The following RTN4 variants were observed in gnomAD, a reference collection of about 807,000 sequenced individuals.
RTN4 encodes reticulon 4.
Under a neutral mutation model 90.4 loss-of-function variants are expected in RTN4, and 32 were observed. The observed-to-expected ratio is 0.35, with a 90% confidence interval of 0.27 to 0.48. The LOEUF is 0.48. Among genes scored for constraint, RTN4 ranks in the 20% least tolerant of loss-of-function variants. The probability of loss-of-function intolerance (pLI) is 0.99; values close to 1 mark genes in which losing one functional copy is unlikely to be tolerated. For missense variants in RTN4, 1,706 were observed against 1,430.2 expected, an observed-to-expected ratio of 1.19 and a Z score of -3.11; for synonymous variants, 629 against 552.5, an observed-to-expected ratio of 1.14 and a Z score of -1.94.
chr2:55,047,080 A>T (rs1267962165), intron 1 of RTN4, among the ~76,000 whole-genome samples: 1 of 152,176 alleles, frequency 6.6e-6, no homozygotes, highest in Non-Finnish European at 1.5e-5. Context: ...TAATCCCAAC[A>T]CTTTGGGAGG....
chr2:55,111,825 C>T (rs992702193), intron 1 of RTN4, among the ~76,000 whole-genome samples: 3 of 152,176 alleles, frequency 2.0e-5, no homozygotes, highest in African/African-American at 7.2e-5. Context: ...AAATCTACCT[C>T]ACCCCATGTC....
rs146977729 is a variant in RTN4 at position 55,026,670 on chromosome 2, T to C, written c.1429A>G (p.Thr477Ala). The stretch of plus-strand genomic sequence containing the variant: ...TCTCCTAACAAAGGAAAAATGTTTG[T>C]TGCAATGCTCTCAGTTGCTGCTGGG... ...FNPAATESIA[T>A]NIFPLLGDPT... The change falls in exon 3 of 9, where the codon ACA (threonine) becomes GCA (alanine). Residue 477 changes from threonine (T) to alanine (A), a missense_variant. By Grantham distance (58) the Thr-to-Ala change is moderately conservative. Coordinates refer to ENST00000337526, the MANE Select transcript of RTN4 (RefSeq NM_020532.5). The C allele has an allele frequency of 2.0e-5, 33 of 1,613,748 alleles. No individual in the cohort carries two copies. The African/African-American group carries it at 3.6e-4, about 18-fold the overall frequency.
intron 1 of RTN4, among the ~76,000 whole-genome samples, chr2:55,102,359 G>A (rs1667867071): frequency 1.3e-5 from 2 of 152,098 alleles, no homozygotes; most frequent in African/African-American, 4.8e-5. Context: ...TAGGATTTGT[G>A]GACCATGGAC....
chr2:55,100,262 G>C (rs1260658942), intron 1 of RTN4, among the ~76,000 whole-genome samples: 2 of 151,996 alleles, frequency 1.3e-5, no homozygotes, highest in Admixed American at 1.3e-4. Flanking sequence ...TTTGCACTGG[G>C]GGCTTGGACA....
At chr2:54,993,066 T>C (rs1421407582) in intron 3 of RTN4, among the ~76,000 whole-genome samples, 9 of 104,324 alleles carry the variant, frequency 8.6e-5, no homozygotes, top group African/African-American at 3.8e-4. Flanking sequence ...AGAGCGAGAC[T>C]CCATCTCGGA....
At position 55,025,253 on chromosome 2, in the gene RTN4, A is replaced by C. The variant is rs199869997; in HGVS notation, c.2846T>G (p.Leu949Arg). The change falls in exon 3 of 9, where the codon CTC becomes CGC. Residue 949 changes from leucine to arginine, a missense_variant. Leu to Arg is a moderately radical substitution (Grantham distance 102). Coordinates refer to ENST00000337526, the MANE Select transcript of RTN4 (RefSeq NM_020532.5). ...SKNGSATSKV[L>R]LLPPDVSALA... ...AGCAGAAACATCTGGAGGCAATAAG[A>C]GCACCTTTGATGTAGCAGACCCATT... 1.1e-5 allele frequency: 18 copies of C among 1,613,920 alleles called. No individual in the cohort carries two copies. The highest frequency in any genetic ancestry group is 1.5e-5 in the Non-Finnish European group (18 of 1,179,868).
At chr2:55,089,263 C>G (rs146954275) in intron 1 of RTN4, among the ~76,000 whole-genome samples, 82 of 152,250 alleles carry the variant, frequency 5.4e-4, no homozygotes, top group Middle Eastern at 3.4e-3. Flanking sequence ...TTGAAAAGGG[C>G]TGAACCCTAG....
rs201992311 is a variant in RTN4 at position 55,026,751 on chromosome 2, T to A, written c.1348A>T (p.Thr450Ser). 2 of 1,613,850 alleles carry A rather than the reference T, an allele frequency of 1.2e-6. No homozygotes were observed. Among genetic ancestry groups the A allele is most frequent in the African/African-American group, 2.7e-5 (2 of 74,910 alleles). ...SSNDDTSFPS[T>S]PEGIKDRSGA... ...GAACGATCCTTTATACCTTCTGGCG[T>A]ACTGGGGAAAGAAGTATCATCATTA... is the stretch of plus-strand genomic sequence containing the variant. The change falls in exon 3 of 9, where the codon ACG becomes TCG. Residue 450 changes from threonine (T) to serine (S), a missense_variant. Thr to Ser is a moderately conservative substitution (Grantham distance 58). Transcript: ENST00000337526.
chr2:55,120,050 G>C, the RTN4 span, among the ~76,000 whole-genome samples: 1 of 152,240 alleles, frequency 6.6e-6, no homozygotes, highest in Non-Finnish European at 1.5e-5. Context: ...GCTGTGGGCT[G>C]CGTGAGGCCC....
chr2:55,063,761 G>C (rs774249659), intron 2 of RTN4, among the ~76,000 whole-genome samples: 3 of 151,856 alleles, frequency 2.0e-5, no homozygotes, highest in African/African-American at 4.8e-5. Flanking sequence ...GGCGCCTGTA[G>C]TCCCACCTAC....
chr2:54,974,265 A>T (rs1677415732), intron 6 of RTN4: 1 of 240,732 alleles, frequency 4.2e-6, no homozygotes, highest in African/African-American at 2.3e-5. Context: ...TCACCAACTT[A>T]TTTAAAGAGA....
At chr2:55,044,395 GAAACAAAC>G (rs745585359) in intron 1 of RTN4, among the ~76,000 whole-genome samples, 279 of 151,420 alleles carry the variant, frequency 1.8e-3, no homozygotes, top group African/African-American at 6.0e-3. Flanking sequence ...TGTCTCAAAA[GAAACAAAC>G]AAACAAACAA....
chr2:55,109,735 C>T (rs1668001621), intron 1 of RTN4, among the ~76,000 whole-genome samples: 1 of 152,166 alleles, frequency 6.6e-6, no homozygotes, highest in African/African-American at 2.4e-5. Flanking sequence ...TGGCTAGTGA[C>T]TCAGAGCATA....
chr2:54,998,245 G>T (rs1263969163), intron 3 of RTN4, among the ~76,000 whole-genome samples: 1 of 137,380 alleles, frequency 7.3e-6, no homozygotes, highest in Non-Finnish European at 1.6e-5. Context: ...TTGGGAGGGG[G>T]GTGAAGAAAA....
chr2:54,992,446 T>C (rs1679085839), intron 3 of RTN4, among the ~76,000 whole-genome samples: 1 of 152,054 alleles, frequency 6.6e-6, no homozygotes, highest in South Asian at 2.1e-4. Context: ...AAAAGCTAAG[T>C]GAAATTAACA....
rs776673259 is a variant in RTN4 at position 55,027,346 on chromosome 2, G to A, written c.753C>T (p.Tyr251=). ...LSAASFKEHE[Y]LGNLSTVLPT... ...GTAATACTGTTGACAAATTACCAAG[G>A]TATTCATGTTCTTTGAAAGAAGCGG... Residue 251 remains tyrosine (Y), a synonymous_variant, in exon 3 of 9, where the codon TAC becomes TAT. Coordinates refer to ENST00000337526, the MANE Select transcript of RTN4 (RefSeq NM_020532.5). 7 of 1,613,506 alleles carry A rather than the reference G, an allele frequency of 4.3e-6. No homozygotes were observed. Among genetic ancestry groups the A allele is most frequent in the Non-Finnish European group, 5.9e-6 (7 of 1,179,752 alleles).
chr2:54,992,940 G>A (rs1185800420), intron 3 of RTN4, among the ~76,000 whole-genome samples: 1 of 151,872 alleles, frequency 6.6e-6, no homozygotes, highest in Non-Finnish European at 1.5e-5. Context: ...CGGGCTTGGT[G>A]GTGGGCACCT....
intron 3 of RTN4, among the ~76,000 whole-genome samples, chr2:55,023,809 C>T (rs773121761): frequency 2.6e-5 from 4 of 152,096 alleles, no homozygotes; most frequent in African/African-American, 4.8e-5. Context: ...CACCATTTGC[C>T]GCTGTCATGA....
intron 1 of RTN4, among the ~76,000 whole-genome samples, chr2:55,110,124 C>A (rs533462753): frequency 1.3e-5 from 2 of 151,992 alleles, no homozygotes; most frequent in African/African-American, 2.4e-5. Flanking sequence ...GCCTGGGCAA[C>A]ATGGTGAAAC....
Sources: allele counts gnomAD v4.1 joint callset (sites outside exome capture counted in the v4.1 genomes callset), GRCh38; gene constraint gnomAD v4.1.1; transcripts MANE v1.5; gene names NCBI Gene and HGNC (gene_info 2026-07-23, HGNC 2026-07-21).